The following ARL6 variants were observed in gnomAD, a reference collection of about 807,000 sequenced individuals.
The protein encoded by ARL6 is ADP-ribosylation factor-like protein 6.
A neutral mutation model predicts 27.1 loss-of-function variants in ARL6; 18 were observed. That is an observed-to-expected ratio of 0.66 (90% CI 0.46 to 0.98). The LOEUF is 0.98. Ranked by LOEUF, ARL6 falls within the 50% of genes least tolerant of loss-of-function variation. The pLI is 0.00. For synonymous variants in ARL6, 65 were observed against 72.3 expected, an observed-to-expected ratio of 0.90 and a Z score of 0.51; for missense variants, 187 against 214.9, an observed-to-expected ratio of 0.87 and a Z score of 0.81.
At chr3:97,789,765 A>C (rs1196467698) in intron 6 of ARL6, among the ~76,000 whole-genome samples, 2 of 152,154 alleles carry the variant, frequency 1.3e-5, no homozygotes, top group Non-Finnish European at 2.9e-5. Flanking sequence ...TTTTAAAAGC[A>C]TGTATAAAAT....
chr3:97,765,806 G>T (rs899205504), intron 1 of ARL6, among the ~76,000 whole-genome samples: 2 of 152,208 alleles, frequency 1.3e-5, no homozygotes, highest in African/African-American at 2.4e-5. Context: ...GAAAACAGTT[G>T]TGTCTCTCGC....
intron 2 of ARL6, among the ~76,000 whole-genome samples, chr3:97,769,291 C>T (rs1166854521): frequency 4.0e-5 from 6 of 151,776 alleles, no homozygotes; most frequent in African/African-American, 7.2e-5. Flanking sequence ...TTAATCTGAT[C>T]GCTTTTTTCA....
At chr3:97,765,209 G>GT (rs2036311571) in intron 1 of ARL6, among the ~76,000 whole-genome samples, 6 of 128,048 alleles carry the variant, frequency 4.7e-5, no homozygotes, top group Non-Finnish European at 9.7e-5. Flanking sequence ...CCGTGTATTG[G>GT]GGGTGTGTGT....
intron 7 of ARL6, among the ~76,000 whole-genome samples, chr3:97,795,382 TTAA>T (rs1314988421): frequency 2.6e-5 from 4 of 152,172 alleles, no homozygotes; most frequent in Non-Finnish European, 5.9e-5. Flanking sequence ...ATGGAAAAAG[TTAA>T]TAATGCTCCC....
rs1028862997 is a variant in ARL6 at position 97,800,614 on chromosome 3, AT to A, written c.*2571del. The A allele has an allele frequency of 3.3e-5, 5 of 151,938 alleles. No homozygotes were observed. The highest frequency in any genetic ancestry group is 9.7e-5 in the African/African-American group (4 of 41,360). 9.4% of individuals were successfully genotyped at this position (151,938 alleles called of 1,614,324 possible). A position where few individuals can be genotyped will look rare whatever the true frequency, so the allele number is the denominator to read the frequency against. On this transcript the variant is annotated 3_prime_UTR_variant, in exon 8 of 8. Transcript: ENST00000463745. Reference sequence around the variant, plus strand: ...AAGTTACAAATTGTCTCCTTAAGATATTTTTTCTTTGTAATTTTTTTATATC... The same window carrying A: ...AAGTTACAAATTGTCTCCTTAAGATATTTTTCTTTGTAATTTTTTTATATC...
At chr3:97,777,056 C>T (rs563754033) in intron 2 of ARL6, among the ~76,000 whole-genome samples, 13 of 152,316 alleles carry the variant, frequency 8.5e-5, no homozygotes, top group South Asian at 2.1e-4. Context: ...CCATTATAAA[C>T]GAGCATAGAT....
chr3:97,797,923 C>T, intron 7 of ARL6, 101 bp from the exon 8 acceptor site: 2 of 1,089,578 alleles, frequency 1.8e-6, no homozygotes, highest in Non-Finnish European at 2.8e-6. Context: ...CACATGTATA[C>T]ATAAGTTTCC....
At position 97,770,290 on chromosome 3, in the gene ARL6, G is replaced by A. The variant is rs147025860; in HGVS notation, c.123+2060G>A. On this transcript the variant is annotated intron_variant, in intron 2 of 7. Transcript: ENST00000463745. ...ATATATTTTCCTGATGAATAATGAT[G>A]AGCATTTTTTTCATATGCCTGTTGG... Among the ~76,000 whole-genome samples, 238 of 152,110 alleles carry A rather than the reference G, an allele frequency of 1.6e-3. 1 individual carries two copies. The highest frequency in any genetic ancestry group is 5.4e-3 in the African/African-American group (223 of 41,514).
At chr3:97,788,638 G>A (rs1576466687) in intron 6 of ARL6, among the ~76,000 whole-genome samples, 1 of 152,084 alleles carries the variant, frequency 6.6e-6, no homozygotes, top group East Asian at 1.9e-4. Flanking sequence ...ATAGTGCCTG[G>A]TATGTAATAG....
chr3:97,789,248 G>A (rs35867071), intron 6 of ARL6, among the ~76,000 whole-genome samples: 33,194 of 152,016 alleles, frequency 0.22, 4,123 homozygotes, highest in Middle Eastern at 0.3. Context: ...TGATTCTTGA[G>A]TTGGAATTTG....
chr3:97,785,777 G>C lies in ARL6; in HGVS notation c.349+728G>C, dbSNP rs558736488. 2.0e-5 allele frequency among the ~76,000 whole-genome samples: 3 copies of C among 152,170 alleles called. No homozygotes were observed. In the East Asian group the frequency reaches 5.8e-4, roughly 29 times the overall value. On this transcript the variant is annotated intron_variant, in intron 5 of 7. Transcript: ENST00000463745. The stretch of plus-strand genomic sequence containing the variant: ...CGCCCAAGCCCCCACTACAAACAGT[G>C]CTCCAGTAAGTATTGTGGAACTCTG...
chr3:97,782,250 A>G (rs1369757456), intron 4 of ARL6, among the ~76,000 whole-genome samples: 1 of 152,014 alleles, frequency 6.6e-6, no homozygotes, highest in Non-Finnish European at 1.5e-5. Context: ...ATTCCTTTTA[A>G]AAATGTATTT....
chr3:97,780,862 C>T (rs1319728886), intron 4 of ARL6, among the ~76,000 whole-genome samples, 179 bp downstream of exon 4: 1 of 151,876 alleles, frequency 6.6e-6, no homozygotes, highest in Non-Finnish European at 1.5e-5. Context: ...GTTTCAGGTC[C>T]TTCATGACTT....
intron 4 of ARL6, among the ~76,000 whole-genome samples, chr3:97,782,527 C>T (rs1408480125): frequency 6.6e-6 from 1 of 151,740 alleles, no homozygotes; most frequent in Non-Finnish European, 1.5e-5. Flanking sequence ...ACATTTTGAT[C>T]TATTAGACTG....
chr3:97,786,222 G>T (rs1473981951), intron 5 of ARL6, among the ~76,000 whole-genome samples: 28 of 151,926 alleles, frequency 1.8e-4, no homozygotes, highest in Non-Finnish European at 4.4e-5. Flanking sequence ...ACGTGCACTT[G>T]TAATCCCATA....
At chr3:97,790,659 T>C (rs1040672513) in intron 6 of ARL6, among the ~76,000 whole-genome samples, 1 of 152,136 alleles carries the variant, frequency 6.6e-6, no homozygotes, top group South Asian at 2.1e-4. Flanking sequence ...TACTGATCTC[T>C]TACTCTTACC....
Position 97,800,924 on chromosome 3 carries a change from A to G in ARL6, c.*2875A>G, listed in dbSNP as rs2038231979. 6.6e-6 allele frequency: 1 copy of G among 152,214 alleles called. No individual in the cohort carries two copies. The highest frequency in any genetic ancestry group is 1.5e-5 in the Non-Finnish European group (1 of 68,056). The allele number at this position is 152,214 out of a possible 1,614,324, so 9.4% of individuals were successfully genotyped here. Reference sequence around the variant, plus strand: ...TTGATAAGAGCATGAATCCCATTACATCTTCACATGGCTCCTCCCAAAGAC... The same window carrying G: ...TTGATAAGAGCATGAATCCCATTACGTCTTCACATGGCTCCTCCCAAAGAC... On this transcript the variant is annotated 3_prime_UTR_variant, in exon 8 of 8. Transcript: ENST00000463745.
At chr3:97,794,883 C>T (rs1002357303) in intron 7 of ARL6, among the ~76,000 whole-genome samples, 7 of 151,920 alleles carry the variant, frequency 4.6e-5, no homozygotes, top group Admixed American at 1.3e-4. Context: ...GACAGGAGTT[C>T]GATACCAGCC....
In ARL6 at chr3:97,800,355, T is replaced by C. The variant is rs2038200270; in HGVS notation, c.*2306T>C. On this transcript the variant is annotated 3_prime_UTR_variant, in exon 8 of 8. Transcript: ENST00000463745. ...TAGCATATTATACAATTAAAATGTATTTTATTAAACCTGAAGCAAGTTTTC... is the reference window on the plus strand; with the variant it reads ...TAGCATATTATACAATTAAAATGTACTTTATTAAACCTGAAGCAAGTTTTC... 6.6e-6 allele frequency: 1 copy of C among 152,192 alleles called. No homozygotes were observed. Among genetic ancestry groups the C allele is most frequent in the Admixed American group, 6.5e-5 (1 of 15,272 alleles). The allele number at this position is 152,192 out of a possible 1,614,324, so 9.4% of individuals were successfully genotyped here.
Sources: allele counts gnomAD v4.1 joint callset (sites outside exome capture counted in the v4.1 genomes callset), GRCh38; gene constraint gnomAD v4.1.1; transcripts MANE v1.5; gene names NCBI Gene and HGNC (gene_info 2026-07-23, HGNC 2026-07-21).